The following NEO1 variants were observed in gnomAD, a reference collection of about 807,000 sequenced individuals.
NEO1 encodes the protein neogenin 1, also known as neogenin.
In NEO1, 63 loss-of-function variants were observed where a neutral mutation model predicts 159.7. The ratio of observed to expected loss-of-function variants is 0.39; its 90% CI spans 0.32 to 0.49. NEO1 has a LOEUF of 0.49. Ranked by LOEUF, NEO1 falls within the 20% of genes least tolerant of loss-of-function variation. The pLI, the probability that NEO1 is intolerant of heterozygous loss-of-function variation, is 0.85. For synonymous variants in NEO1, 633 were observed against 662.0 expected, an observed-to-expected ratio of 0.96 and a Z score of 0.67; for missense variants, 1,615 against 1,831.0, an observed-to-expected ratio of 0.88 and a Z score of 2.15.
intron 13 of NEO1, among the ~76,000 whole-genome samples, chr15:73,257,081 G>A (rs1187567497): frequency 3.8e-5 from 5 of 133,050 alleles, no homozygotes; most frequent in East Asian, 2.6e-4. Context: ...GAAGTGAGCC[G>A]TGATTGTGCC....
intron 26 of NEO1, 157 bp from the exon 27 acceptor site, chr15:73,298,191 A>T: frequency 1.2e-6 from 1 of 849,528 alleles, no homozygotes; most frequent in South Asian, 1.8e-5. Flanking sequence ...CTCCATTCTT[A>T]TCCCTGGCAG....
At chr15:73,283,646 T>C (rs1029454392) in intron 23 of NEO1, among the ~76,000 whole-genome samples, 2 of 152,168 alleles carry the variant, frequency 1.3e-5, no homozygotes, top group African/African-American at 4.8e-5. Context: ...AATAGTTAAT[T>C]TAGCTCAACC....
chr15:73,215,465 T>G (rs1458865498), intron 7 of NEO1, among the ~76,000 whole-genome samples: 1 of 152,184 alleles, frequency 6.6e-6, no homozygotes, highest in Non-Finnish European at 1.5e-5. Flanking sequence ...GTATGCTGAT[T>G]TGCTGCTAAC....
intron 7 of NEO1, among the ~76,000 whole-genome samples, chr15:73,233,310 T>G (rs1825775084): frequency 6.6e-6 from 1 of 152,220 alleles, no homozygotes; most frequent in African/African-American, 2.4e-5. Flanking sequence ...TTTTTTATAC[T>G]TTTATTCCCT....
chr15:73,125,017 G>A (rs1055546593), intron 3 of NEO1, among the ~76,000 whole-genome samples: 6 of 152,146 alleles, frequency 3.9e-5, no homozygotes, highest in African/African-American at 1.4e-4. Flanking sequence ...ACATGACAGA[G>A]GTAATACTTC....
intron 1 of NEO1, among the ~76,000 whole-genome samples, chr15:73,091,442 A>G (rs1387722036): frequency 2.6e-5 from 4 of 152,202 alleles, no homozygotes; most frequent in Admixed American, 2.6e-4. Flanking sequence ...AAAAACAAAT[A>G]CTTAAAAACT....
chr15:73,267,226 C>T (rs1301738968), intron 16 of NEO1, among the ~76,000 whole-genome samples: 1 of 152,012 alleles, frequency 6.6e-6, no homozygotes, highest in Non-Finnish European at 1.5e-5. Context: ...CCACTGCACT[C>T]CAGGCTAGGC....
At chr15:73,219,752 C>CT (rs1371073283) in intron 7 of NEO1, among the ~76,000 whole-genome samples, 1 of 134,532 alleles carries the variant, frequency 7.4e-6, no homozygotes, top group Admixed American at 7.8e-5. Context: ...CAACCCCTGC[C>CT]TTTTTTTGTT....
At chr15:73,135,371 C>T (rs578008096) in intron 4 of NEO1, among the ~76,000 whole-genome samples, 6 of 152,122 alleles carry the variant, frequency 3.9e-5, no homozygotes, top group Non-Finnish European at 5.9e-5. Flanking sequence ...TTCCTCTTTT[C>T]CTCTCTCTCC....
intron 7 of NEO1, among the ~76,000 whole-genome samples, chr15:73,184,538 C>G (rs1430332959): frequency 6.6e-6 from 1 of 152,184 alleles, no homozygotes; most frequent in East Asian, 1.9e-4. Flanking sequence ...TTTGTAGCAT[C>G]TTTATTCCTA....
At chr15:73,276,777 C>T (rs1479532842) in intron 21 of NEO1, among the ~76,000 whole-genome samples, 2 of 152,144 alleles carry the variant, frequency 1.3e-5, no homozygotes, top group Admixed American at 6.5e-5. Context: ...AAGTACTTGA[C>T]ATTAGCTCTA....
intron 20 of NEO1, 72 bp from the exon 21 acceptor site, chr15:73,274,620 T>C: frequency 6.0e-6 from 9 of 1,492,682 alleles, no homozygotes; most frequent in Non-Finnish European, 8.3e-6. Flanking sequence ...CTTTAAAAAG[T>C]TCTGCCTGTC....
chr15:73,244,220 C>A, intron 8 of NEO1, 124 bp from the exon 9 acceptor site: 1 of 1,107,486 alleles, frequency 9.0e-7, no homozygotes, highest in Non-Finnish European at 1.3e-6. Context: ...CCCCCAAAAG[C>A]TTCATTGTTT....
chr15:73,138,538 C>T (rs991842664), intron 5 of NEO1, among the ~76,000 whole-genome samples: 2 of 151,932 alleles, frequency 1.3e-5, no homozygotes, highest in African/African-American at 4.8e-5. Flanking sequence ...GGGCGGATCA[C>T]GAGGTCAGGA....
Position 73,193,743 on chromosome 15 carries a change from C to T in NEO1, c.1291+15316C>T, listed in dbSNP as rs117184050. 1.6e-3 allele frequency among the ~76,000 whole-genome samples: 248 copies of T among 151,174 alleles called. 1 individual carries two copies. The highest frequency in any genetic ancestry group is 0.013 in the East Asian group (67 of 5,140). ...TGAATCTGAAAGATTCTACACAGTG[C>T]CAGGGTAAAGATTTTGGATTATGAA... On this transcript the variant is annotated intron_variant, in intron 7 of 28. Coordinates refer to ENST00000261908, the MANE Select transcript of NEO1 (RefSeq NM_002499.4).
intron 1 of NEO1, among the ~76,000 whole-genome samples, chr15:73,111,713 C>T (rs558924704): frequency 2.6e-5 from 4 of 152,210 alleles, no homozygotes; most frequent in East Asian, 1.9e-4. Context: ...CTCTTCCTCC[C>T]GTGCTCCAGT....
chr15:73,153,841 C>T (rs1009371755), intron 5 of NEO1, among the ~76,000 whole-genome samples: 1 of 152,046 alleles, frequency 6.6e-6, no homozygotes, highest in Non-Finnish European at 1.5e-5. Context: ...TTCTGAAAGC[C>T]TCCGAATTAT....
intron 7 of NEO1, among the ~76,000 whole-genome samples, chr15:73,217,635 A>G (rs1230287972): frequency 6.6e-6 from 1 of 152,130 alleles, no homozygotes; most frequent in East Asian, 1.9e-4. Context: ...CTCCTTGAAG[A>G]GGTCCTTCAC....
At chr15:73,135,089 C>T (rs982693913) in intron 4 of NEO1, among the ~76,000 whole-genome samples, 1 of 152,136 alleles carries the variant, frequency 6.6e-6, no homozygotes, top group Non-Finnish European at 1.5e-5. Context: ...GCATCTCTTG[C>T]CCTATGTCAG....
Sources: allele counts gnomAD v4.1 joint callset (sites outside exome capture counted in the v4.1 genomes callset), GRCh38; gene constraint gnomAD v4.1.1; transcripts MANE v1.5; gene names NCBI Gene and HGNC (gene_info 2026-07-23, HGNC 2026-07-21).